The following DSCAML1 variants were observed in gnomAD, a reference collection of about 807,000 sequenced individuals.
The protein encoded by DSCAML1 is cell adhesion molecule DSCAML1.
DSCAML1 carries 38 observed loss-of-function variants against 200.5 expected under a neutral mutation model. The ratio of observed to expected loss-of-function variants is 0.19; its 90% confidence interval spans 0.15 to 0.25. The LOEUF (loss-of-function observed/expected upper bound fraction) is 0.25. Among genes scored for constraint, DSCAML1 ranks in the 10% least tolerant of loss-of-function variants. DSCAML1 has a pLI of 1.00. For missense variants in DSCAML1, 2,223 were observed against 2,858.8 expected, an observed-to-expected ratio of 0.78 and a Z score of 5.07; for synonymous variants, 1,215 against 1,165.0, an observed-to-expected ratio of 1.04 and a Z score of -0.87.
At chr11:117,444,823 A>G (rs551299561) in intron 20 of DSCAML1, among the ~76,000 whole-genome samples, 6 of 152,312 alleles carry the variant, frequency 3.9e-5, no homozygotes, top group African/African-American at 1.4e-4. Context: ...GATAAGCGCT[A>G]GTTTGCAGAC....
At chr11:117,698,868 G>A (rs964021287) in intron 3 of DSCAML1, among the ~76,000 whole-genome samples, 2 of 152,206 alleles carry the variant, frequency 1.3e-5, no homozygotes, top group African/African-American at 4.8e-5. Context: ...ACAGCGGGAT[G>A]CTCTGAGGGA....
intron 3 of DSCAML1, among the ~76,000 whole-genome samples, chr11:117,744,435 C>G (rs984057184): frequency 1.3e-5 from 2 of 152,256 alleles, no homozygotes; most frequent in South Asian, 4.1e-4. Context: ...CCAGTTGATG[C>G]CAGGTGAGGC....
At chr11:117,688,061 C>T (rs1222086348) in intron 3 of DSCAML1, among the ~76,000 whole-genome samples, 4 of 151,300 alleles carry the variant, frequency 2.6e-5, no homozygotes, top group Non-Finnish European at 4.4e-5. Context: ...GAGGAAGAAG[C>T]GCTCATTCAG....
chr11:117,645,643 C>T (rs572295272), intron 3 of DSCAML1, among the ~76,000 whole-genome samples: 2 of 150,672 alleles, frequency 1.3e-5, no homozygotes, highest in Non-Finnish European at 2.9e-5. Context: ...AGCAAACTAT[C>T]GCAAGAACAA....
intron 3 of DSCAML1, among the ~76,000 whole-genome samples, chr11:117,763,582 T>C (rs973903603): frequency 2.0e-5 from 3 of 151,960 alleles, no homozygotes; most frequent in Non-Finnish European, 4.4e-5. Flanking sequence ...ATCACTTATA[T>C]CCCACCTGTG....
At chr11:117,613,500 C>A (rs1240774235) in intron 3 of DSCAML1, among the ~76,000 whole-genome samples, 1 of 152,168 alleles carries the variant, frequency 6.6e-6, no homozygotes, top group Non-Finnish European at 1.5e-5. Flanking sequence ...CCCTAACTAG[C>A]TGAAGCTGCT....
chr11:117,741,595 T>C (rs749596646), intron 3 of DSCAML1, among the ~76,000 whole-genome samples: 6 of 152,204 alleles, frequency 3.9e-5, no homozygotes, highest in Non-Finnish European at 7.3e-5. Context: ...GGCTCAAAGA[T>C]GTGTGGGAAC....
chr11:117,714,006 T>C (rs2053900702), intron 3 of DSCAML1, among the ~76,000 whole-genome samples: 1 of 152,210 alleles, frequency 6.6e-6, no homozygotes, highest in Non-Finnish European at 1.5e-5. Flanking sequence ...CTGGTCCAAA[T>C]ACTGGCTTTG....
intron 3 of DSCAML1, among the ~76,000 whole-genome samples, chr11:117,623,541 G>T (rs1565833033): frequency 6.6e-6 from 1 of 152,102 alleles, no homozygotes; most frequent in Non-Finnish European, 1.5e-5. Flanking sequence ...GCAGTGGAAG[G>T]CCCCTTAGCA....
chr11:117,448,979 C>T (rs1442077028), intron 20 of DSCAML1, among the ~76,000 whole-genome samples: 2 of 152,184 alleles, frequency 1.3e-5, no homozygotes, highest in African/African-American at 2.4e-5. Context: ...TGGATACTAA[C>T]GGCTAGCCCA....
At chr11:117,668,984 T>TA (rs2053041851) in intron 3 of DSCAML1, 1 of 152,222 alleles carries the variant, frequency 6.6e-6, no homozygotes, top group African/African-American at 2.4e-5. Context: ...CGCAGACTGG[T>TA]AAGCCTGGCA....
intron 3 of DSCAML1, among the ~76,000 whole-genome samples, chr11:117,558,273 G>A (rs1001058269): frequency 6.6e-6 from 1 of 152,120 alleles, no homozygotes; most frequent in African/African-American, 2.4e-5. Context: ...GAGCAAGTGA[G>A]GTGGAGCGGG....
At chr11:117,610,668 G>C (rs1452382563) in intron 3 of DSCAML1, among the ~76,000 whole-genome samples, 3 of 151,588 alleles carry the variant, frequency 2.0e-5, no homozygotes, top group African/African-American at 4.9e-5. Context: ...ATATCATGGA[G>C]GTTATTTCTT....
intron 1 of DSCAML1, among the ~76,000 whole-genome samples, chr11:117,804,312 T>C (rs576666817): frequency 2.6e-5 from 4 of 152,370 alleles, no homozygotes; most frequent in Admixed American, 6.5e-5. Context: ...CCACTGGCTT[T>C]CTACACCGAC....
chr11:117,709,430 C>T (rs950666128), intron 3 of DSCAML1, among the ~76,000 whole-genome samples: 4 of 152,248 alleles, frequency 2.6e-5, no homozygotes, highest in East Asian at 1.9e-4. Flanking sequence ...CTAATCCTAT[C>T]GGATTAGGGC....
chr11:117,645,779 T>C (rs1465804816), intron 3 of DSCAML1, among the ~76,000 whole-genome samples: 4 of 147,388 alleles, frequency 2.7e-5, no homozygotes, highest in African/African-American at 5.0e-5. Flanking sequence ...AGGGATAGCA[T>C]TGGGAGATAT....
chr11:117,789,566 G>C (rs574001564), intron 1 of DSCAML1, among the ~76,000 whole-genome samples: 1 of 152,262 alleles, frequency 6.6e-6, no homozygotes, highest in African/African-American at 2.4e-5. Context: ...CCACCCTGCT[G>C]TCAGAAAACT....
intron 14 of DSCAML1, among the ~76,000 whole-genome samples, chr11:117,477,888 C>T (rs889813227): frequency 6.6e-5 from 10 of 152,326 alleles, no homozygotes; most frequent in Admixed American, 3.9e-4. Flanking sequence ...TGGAAAGGAC[C>T]GGCTGCCTTC....
rs115727160 is a variant in DSCAML1, at chr11:117,710,594, G to A, written c.511+66197C>T. Among the ~76,000 whole-genome samples, 413 of 152,332 alleles carry A rather than the reference G, an allele frequency of 2.7e-3. 1 individual carries two copies. The highest frequency in any genetic ancestry group is 9.0e-3 in the African/African-American group (374 of 41,590). The stretch of plus-strand genomic sequence containing the variant: ...TCTGCACCTTACAACCTGTGTTTCT[G>A]TGTGACTTAACCGCCCCGTGACTCA... On this transcript the variant is annotated intron_variant, in intron 3 of 32. Coordinates refer to ENST00000651296, the MANE Select transcript of DSCAML1 (RefSeq NM_020693.4).
Sources: allele counts gnomAD v4.1 joint callset (sites outside exome capture counted in the v4.1 genomes callset), GRCh38; gene constraint gnomAD v4.1.1; transcripts MANE v1.5; gene names NCBI Gene and HGNC (gene_info 2026-07-23, HGNC 2026-07-21).